Variants in TTBK2 observed in about 807,000 individuals in gnomAD.
TTBK2 encodes the protein tau-tubulin kinase 2.
Under a neutral mutation model 110.8 loss-of-function variants are expected in TTBK2, and 28 were observed. The observed-to-expected ratio is 0.25, with a 90% CI of 0.19 to 0.35. TTBK2 has a LOEUF of 0.35. TTBK2 is among the 10% of genes least tolerant of loss of function. TTBK2 has a pLI of 1.00. For synonymous variants in TTBK2, 532 were observed against 527.3 expected (o/e 1.01, Z -0.12); for missense variants, 1,369 against 1,500.3 (o/e 0.91, Z 1.45).
intron 13 of TTBK2, among the ~76,000 whole-genome samples, chr15:42,773,554 G>A (rs935625981): frequency 9.9e-5 from 15 of 152,228 alleles, no homozygotes; most frequent in Admixed American, 4.6e-4. Flanking sequence ...AGAAAACACC[G>A]CAGTAGTGTA....
intron 10 of TTBK2, among the ~76,000 whole-genome samples, chr15:42,793,564 A>G (rs77554561): frequency 0.042 from 6,416 of 152,060 alleles, 393 homozygotes; most frequent in East Asian, 0.13. Flanking sequence ...AAAAAAAAAA[A>G]TCAGGCCGGC....
In TTBK2 at chr15:42,840,393, A is replaced by G. The variant is rs769666619; in HGVS notation, c.258T>C (p.Asn86=). The G allele has an allele frequency of 8.7e-6, 14 of 1,614,074 alleles. No homozygotes were observed. The highest frequency in any genetic ancestry group is 1.2e-5 in the Non-Finnish European group (14 of 1,179,968). ...HVCRFIGCGR[N]DRFNYVVMQL... ...GCATGACCACATAGTTGAATCGATC[A>G]TTCCTCCCACAGCCAATAAATCTAC... Residue 86 remains asparagine (N), a synonymous_variant, in exon 4 of 15, where the codon AAT becomes AAC. Coordinates refer to ENST00000267890, the MANE Select transcript of TTBK2 (RefSeq NM_173500.4).
Position 42,792,345 on chromosome 15 carries a change from A to AT in TTBK2, c.980+2298dup, listed in dbSNP as rs567309876. Among the ~76,000 whole-genome samples, 20 of 151,876 alleles carry AT rather than the reference A, an allele frequency of 1.3e-4. No homozygotes were observed. In the East Asian group the frequency reaches 1.7e-3, roughly 13 times the overall value. Reference sequence around the variant, plus strand: ...TTGTGTAGCCATAAATAATTCTTTGATTTTTTTTCCCTATTCAAATTACTG... The same window carrying AT: ...TTGTGTAGCCATAAATAATTCTTTGATTTTTTTTTCCCTATTCAAATTACTG... On this transcript the variant is annotated intron_variant, in intron 10 of 14. Coordinates refer to ENST00000267890, the MANE Select transcript of TTBK2 (RefSeq NM_173500.4).
intron 13 of TTBK2, 35 bp downstream of exon 13, chr15:42,775,100 A>G (rs187889964): frequency 6.3e-7 from 1 of 1,597,632 alleles, no homozygotes; most frequent in African/African-American, 1.3e-5. Context: ...CCTTGAGTGG[A>G]TAACAGAGAA....
At position 42,872,795 on chromosome 15, in the gene TTBK2, C is replaced by T. The variant is rs1296729578; in HGVS notation, c.70-37G>A. 1.9e-6 allele frequency: 3 copies of T among 1,609,518 alleles called. No homozygotes were observed. The South Asian group carries it at 3.3e-5, about 18-fold the overall frequency. ...ATAAGAACACACACACTCTAAATTA[C>T]TAGAAGATTCTAACTTGAAAGCAAT... On this transcript the variant is annotated intron_variant, in intron 2 of 14. Coordinates refer to ENST00000267890, the MANE Select transcript of TTBK2 (RefSeq NM_173500.4).
intron 1 of TTBK2, among the ~76,000 whole-genome samples, chr15:42,912,727 A>C (rs1435855641): frequency 6.6e-6 from 1 of 152,210 alleles, no homozygotes; most frequent in African/African-American, 2.4e-5. Flanking sequence ...CTCAAAAAAA[A>C]AAGTATCTAA....
intron 10 of TTBK2, among the ~76,000 whole-genome samples, chr15:42,794,033 A>T (rs1166586000): frequency 6.7e-6 from 1 of 149,846 alleles, no homozygotes; most frequent in South Asian, 2.1e-4. Flanking sequence ...CTTCTGCCTC[A>T]GCATTTTGGG....
At chr15:42,766,668 C>T (rs749696667) in intron 13 of TTBK2, among the ~76,000 whole-genome samples, 1 of 151,876 alleles carries the variant, frequency 6.6e-6, no homozygotes, top group African/African-American at 2.4e-5. Flanking sequence ...ACTTAGACTC[C>T]CACACAATAA....
At chr15:42,808,045 C>T (rs947765795) in intron 9 of TTBK2, among the ~76,000 whole-genome samples, 1 of 152,130 alleles carries the variant, frequency 6.6e-6, no homozygotes, top group African/African-American at 2.4e-5. Flanking sequence ...GTTAGGAAAA[C>T]AGACTCATAC....
chr15:42,877,012 C>T (rs1801017788), intron 2 of TTBK2, among the ~76,000 whole-genome samples: 1 of 152,016 alleles, frequency 6.6e-6, no homozygotes, highest in South Asian at 2.1e-4. Flanking sequence ...TGGCAAGAAA[C>T]CAATTCATTG....
At chr15:42,888,585 C>T (rs541590779) in intron 1 of TTBK2, among the ~76,000 whole-genome samples, 47 of 152,198 alleles carry the variant, frequency 3.1e-4, no homozygotes, top group Non-Finnish European at 6.0e-4. Flanking sequence ...AAGCCGAACT[C>T]ATTGCCTTAA....
At position 42,752,437 on chromosome 15, in the gene TTBK2, A is replaced by G; in HGVS notation, c.2809T>C (p.Ser937Pro). ...ATTCGGCTGTGTCTAGTTACAAAGG[A>G]TGACCTAACCATATCCTTCCGGGTT... ...APTRKDMVRS[S>P]FVTRHSRIPV... Residue 937 changes from serine to proline, a missense_variant, in exon 14 of 15, where the codon TCC (serine) becomes CCC (proline). Ser to Pro is a moderately conservative substitution (Grantham distance 74, BLOSUM62 -1). Around this residue, in one of 4 missense-constraint regions of TTBK2, gnomAD observed 1,097 missense variants for 1,114.7 expected, o/e 0.98. Coordinates refer to ENST00000267890, the MANE Select transcript of TTBK2 (RefSeq NM_173500.4). The G allele has an allele frequency of 6.2e-7, 1 of 1,614,178 alleles. No individual in the cohort carries two copies. Among genetic ancestry groups the G allele is most frequent in the Non-Finnish European group, 8.5e-7 (1 of 1,180,030 alleles).
At chr15:42,893,243 T>G (rs1428625317) in intron 1 of TTBK2, among the ~76,000 whole-genome samples, 3 of 151,986 alleles carry the variant, frequency 2.0e-5, no homozygotes, top group Non-Finnish European at 4.4e-5. Context: ...AGGCCTATAA[T>G]CCCAACACTT....
chr15:42,763,160 A>ATACG (rs1889137237), intron 13 of TTBK2, among the ~76,000 whole-genome samples: 1 of 9,348 alleles, frequency 1.1e-4, no homozygotes, highest in African/African-American at 5.2e-4. Context: ...ATATATACAT[A>ATACG]TATATATATA....
intron 3 of TTBK2, among the ~76,000 whole-genome samples, chr15:42,846,671 C>T (rs897978649): frequency 1.3e-5 from 2 of 152,190 alleles, no homozygotes; most frequent in Non-Finnish European, 2.9e-5. Context: ...TTATTTATTA[C>T]TCTTTTGATA....
At position 42,817,073 on chromosome 15, in the gene TTBK2, C is replaced by T; in HGVS notation, c.562G>A (p.Gly188Arg). ...RPPRAVAGFR[G>R]TVRYASINAH... is the part of the protein sequence containing the mutation. Reference sequence around the variant, plus strand: ...TTGATTGATGCATAACGAACTGTCCCTCGAAAACCTGCCACAGCTCGAGGC... The same window carrying T: ...TTGATTGATGCATAACGAACTGTCCTTCGAAAACCTGCCACAGCTCGAGGC... Residue 188 changes from glycine to arginine, a missense_variant, in exon 7 of 15, where the codon GGG becomes AGG. Physicochemically the swap from Gly to Arg is moderately radical, Grantham distance 125 (BLOSUM62 -2). Transcript: ENST00000267890. 1 of 1,608,580 alleles carries T rather than the reference C, an allele frequency of 6.2e-7. No homozygotes were observed. The highest frequency in any genetic ancestry group is 8.5e-7 in the Non-Finnish European group (1 of 1,176,778).
chr15:42,760,509 TC>T (rs2062011787), intron 13 of TTBK2, among the ~76,000 whole-genome samples: 1 of 151,764 alleles, frequency 6.6e-6, no homozygotes, highest in South Asian at 2.1e-4. Flanking sequence ...TTTGAATAAC[TC>T]AGGCAGACAA....
In TTBK2 at chr15:42,844,005, T is replaced by C. The variant is rs1175489228; in HGVS notation, c.218-3572A>G. On this transcript the variant is annotated intron_variant, in intron 3 of 14. Coordinates refer to ENST00000267890, the MANE Select transcript of TTBK2 (RefSeq NM_173500.4). ...TAGCCCCCTGCCCACCAAACTATCC[T>C]TAAAAACCCAGTTGTCAAATTCTCA... is the stretch of plus-strand genomic sequence containing the variant. 2.0e-5 allele frequency among the ~76,000 whole-genome samples: 3 copies of C among 152,000 alleles called. No homozygotes were observed. The East Asian group carries it at 5.8e-4, about 29-fold the overall frequency.
At chr15:42,883,907 T>C (rs1895145917) in intron 1 of TTBK2, among the ~76,000 whole-genome samples, 1 of 152,062 alleles carries the variant, frequency 6.6e-6, no homozygotes, top group South Asian at 2.1e-4. Context: ...ACTATTATTA[T>C]GTAGGTTAAA....
Sources: gnomAD v4.1 joint callset for allele counts (sites outside exome capture counted in the v4.1 genomes callset) on GRCh38, gnomAD v4.1.1 for gene constraint, gnomAD v4.1.1 regional missense constraint, MANE v1.5 for transcripts, NCBI Gene and HGNC (gene_info 2026-07-23, HGNC 2026-07-21) for gene names.